TCAF1: variants seen among roughly 807,000 people sequenced by gnomAD.
TCAF1 encodes the protein TRPM8 channel associated factor 1.
Under a neutral mutation model 27.3 loss-of-function variants are expected in TCAF1, and 4 were observed. The ratio of observed to expected loss-of-function variants is 0.15; its 90% CI spans 0.07 to 0.34. TCAF1 has a LOEUF of 0.34. TCAF1 is among the 10% of genes least tolerant of loss of function. The pLI is 1.00. For synonymous variants in TCAF1, 105 were observed against 167.1 expected (o/e 0.63, Z 2.87); for missense variants, 257 against 425.8 (o/e 0.60, Z 3.49).
Position 143,871,159 on chromosome 7 carries a change from G to A in TCAF1, c.620+4830C>T, listed in dbSNP as rs543998635. Among the ~76,000 whole-genome samples the A allele has an allele frequency of 7.1e-5, 6 of 84,554 alleles. 2 individuals carry two copies. The highest frequency in any genetic ancestry group is 2.6e-4 in the African/African-American group (6 of 23,470). 55.5% of individuals were successfully genotyped at this position (84,554 alleles called of 152,430 possible). A position where few individuals can be genotyped will look rare whatever the true frequency, so the allele number is the denominator to read the frequency against. ...CTTTAGATCTTGGTTTCTAAATACC[G>A]TTCACCACTAGAAGGAACTAGCATT... On this transcript the variant is annotated intron_variant, in intron 2 of 8. Coordinates refer to ENST00000479870, the MANE Select transcript of TCAF1 (RefSeq NM_014719.3).
At chr7:143,896,967 G>T (rs1292889401) in intron 1 of TCAF1, among the ~76,000 whole-genome samples, 1 of 150,588 alleles carries the variant, frequency 6.6e-6, no homozygotes, top group African/African-American at 2.4e-5. Context: ...TTTTATGTTG[G>T]TGTTTGAAAA....
chr7:143,897,943 T>C (rs1245092073), intron 1 of TCAF1, among the ~76,000 whole-genome samples: 1 of 152,112 alleles, frequency 6.6e-6, no homozygotes, highest in African/African-American at 2.4e-5. Context: ...AAATCACACG[T>C]ATAAATATAA....
chr7:143,882,932 G>C, intron 1 of TCAF1: 1 of 947,546 alleles, frequency 1.1e-6, no homozygotes, highest in Non-Finnish European at 1.3e-6. Context: ...CTCCCAGGCT[G>C]GAGTGGGAGC....
At chr7:143,891,215 T>G (rs1243778995) in intron 1 of TCAF1, among the ~76,000 whole-genome samples, 1 of 152,196 alleles carries the variant, frequency 6.6e-6, no homozygotes, top group Non-Finnish European at 1.5e-5. Context: ...TCAAAACCTT[T>G]ATATTTTTTC....
intron 1 of TCAF1, among the ~76,000 whole-genome samples, chr7:143,896,892 A>G (rs949403459): frequency 7.3e-5 from 11 of 151,518 alleles, no homozygotes; most frequent in Non-Finnish European, 1.5e-4. Context: ...AAAATAAATC[A>G]CAGAAAAAAT....
At chr7:143,886,916 A>G (rs894430276) in intron 1 of TCAF1, among the ~76,000 whole-genome samples, 49 of 143,268 alleles carry the variant, frequency 3.4e-4, no homozygotes, top group African/African-American at 1.3e-3. Context: ...TTTGTTGCCC[A>G]GACTGGTCTT....
Position 143,876,027 on chromosome 7 carries a change from T to C in TCAF1, c.582A>G (p.Lys194=). The part of the protein sequence containing the change: ...TDNKGDTSFF[K]VSKKMPKIPV... Reference sequence around the variant, plus strand: ...GGATCTTGGGCATCTTCTTGGAGACTTTAAAGAAACTCGTGTCCCCTTTGT... The same window carrying C: ...GGATCTTGGGCATCTTCTTGGAGACCTTAAAGAAACTCGTGTCCCCTTTGT... The change falls in exon 2 of 9, where the codon AAA becomes AAG. Residue 194 remains lysine, a synonymous_variant. Transcript: ENST00000479870. The C allele has an allele frequency of 5.1e-6, 8 of 1,579,204 alleles. No individual in the cohort carries two copies. Among genetic ancestry groups the C allele is most frequent in the Non-Finnish European group, 6.9e-6 (8 of 1,161,524 alleles).
chr7:143,901,488 T>A (rs996573358), intron 1 of TCAF1, among the ~76,000 whole-genome samples: 3 of 152,170 alleles, frequency 2.0e-5, no homozygotes, highest in African/African-American at 7.2e-5. Flanking sequence ...ACATTCAGCC[T>A]GAATCCCCGC....
At chr7:143,890,679 C>T (rs987814955) in intron 1 of TCAF1, among the ~76,000 whole-genome samples, 1 of 152,196 alleles carries the variant, frequency 6.6e-6, no homozygotes, top group African/African-American at 2.4e-5. Flanking sequence ...TTTCATTTTA[C>T]AGTGCAGGGT....
At chr7:143,891,809 A>G (rs2116852982) in intron 1 of TCAF1, among the ~76,000 whole-genome samples, 1 of 152,318 alleles carries the variant, frequency 6.6e-6, no homozygotes, top group Non-Finnish European at 1.5e-5. Context: ...AGAAAACTAC[A>G]TTGAGACACA....
intron 2 of TCAF1, among the ~76,000 whole-genome samples, chr7:143,866,694 C>CT (rs1194342911): frequency 6.6e-6 from 1 of 152,228 alleles, no homozygotes; most frequent in Non-Finnish European, 1.5e-5. Flanking sequence ...CATACTGTGG[C>CT]ATCTATCCGT....
chr7:143,876,281 C>T lies in TCAF1; in HGVS notation c.328G>A (p.Val110Met), dbSNP rs1812701901. Residue 110 changes from valine to methionine, a missense_variant, in exon 2 of 9, where the codon GTG becomes ATG. By Grantham distance (21) the Val-to-Met change is conservative. Transcript: ENST00000479870. ...ACTTCTGGCTCAACCTTTGCATCCA[C>T]TCCAGAGCCCTCGAGGATTTTGGCC... ...PLAKILEGSG[V>M]DAKVEPEVKD... 2 of 1,614,204 alleles carry T rather than the reference C, an allele frequency of 1.2e-6. No individual in the cohort carries two copies. The highest frequency in any genetic ancestry group is 1.1e-5 in the South Asian group (1 of 91,086).
intron 1 of TCAF1, among the ~76,000 whole-genome samples, chr7:143,886,991 CCA>C (rs1813441093): frequency 1.3e-5 from 2 of 151,630 alleles, no homozygotes; most frequent in South Asian, 4.2e-4. Context: ...CAGGCATAAG[CCA>C]CCCTGTCTGG....
At chr7:143,884,125 T>C (rs1433935114) in intron 1 of TCAF1, among the ~76,000 whole-genome samples, 3 of 152,230 alleles carry the variant, frequency 2.0e-5, no homozygotes, top group Non-Finnish European at 2.9e-5. Context: ...AATCAATGTC[T>C]GGTATACGGT....
Position 143,876,372 on chromosome 7 carries a change from G to A in TCAF1, c.237C>T (p.Asn79=), listed in dbSNP as rs112188412. 44 of 1,614,028 alleles carry A rather than the reference G, an allele frequency of 2.7e-5. No individual in the cohort carries two copies. Among genetic ancestry groups the A allele is most frequent in the Admixed American group, 1.2e-4 (7 of 60,010 alleles). ...VEAQLTPFLL[N]AVGWLCSSPG... ...GGGAAGAGCAAAGCCACCCCACTGC[G>A]TTCAGGAGAAAGGGCGTGAGCTGGG... is the stretch of plus-strand genomic sequence containing the variant. The change falls in exon 2 of 9, where the codon AAC becomes AAT. Residue 79 remains asparagine (N), a synonymous_variant. Transcript: ENST00000479870.
chr7:143,897,869 A>T lies in TCAF1; in HGVS notation c.-15+4092T>A, dbSNP rs540060094. 9.2e-5 allele frequency among the ~76,000 whole-genome samples: 14 copies of T among 152,214 alleles called. No individual in the cohort carries two copies. The East Asian group carries it at 2.5e-3, about 27-fold the overall frequency. ...CATAAGGGAGAATACTATTCATATT[A>T]TTTTATGATAATACCAGCATCAGAA... On this transcript the variant is annotated intron_variant, in intron 1 of 8. Transcript: ENST00000479870.
rs151270254 is a variant in TCAF1, at chr7:143,876,347, G to T, written c.262C>A (p.Pro88Thr). 225 of 1,614,072 alleles carry T rather than the reference G, an allele frequency of 1.4e-4. No individual in the cohort carries two copies. Among genetic ancestry groups the T allele is most frequent in the Non-Finnish European group, 1.8e-4 (218 of 1,180,046 alleles). ...GGGTGTACACCAATGGGAGCCCCAG[G>T]GGAAGAGCAAAGCCACCCCACTGCG... ...LNAVGWLCSS[P>T]GAPIGVHPSL... The change falls in exon 2 of 9, where the codon CCT becomes ACT. Residue 88 changes from proline (P) to threonine (T), a missense_variant. By Grantham distance (38) the Pro-to-Thr change is conservative. Transcript: ENST00000479870.
chr7:143,898,016 A>G (rs1033630822), intron 1 of TCAF1, among the ~76,000 whole-genome samples: 8 of 152,158 alleles, frequency 5.3e-5, no homozygotes, highest in African/African-American at 1.9e-4. Flanking sequence ...ATTTACCACA[A>G]AAGGTTTATT....
intron 1 of TCAF1, among the ~76,000 whole-genome samples, chr7:143,878,268 A>G (rs1812829146): frequency 6.6e-6 from 1 of 152,232 alleles, no homozygotes. Flanking sequence ...GTGGAAAAAC[A>G]ATTTAACCTA....
Sources: gnomAD v4.1 joint callset for allele counts (sites outside exome capture counted in the v4.1 genomes callset) on GRCh38, gnomAD v4.1.1 for gene constraint, MANE v1.5 for transcripts, NCBI Gene and HGNC (gene_info 2026-07-23, HGNC 2026-07-21) for gene names.